RHOBTB3: variants seen among roughly 807,000 people sequenced by gnomAD.
RHOBTB3 encodes Rho related BTB domain containing 3.
A neutral mutation model predicts 67.2 loss-of-function variants in RHOBTB3; 47 were observed. That is an observed-to-expected ratio of 0.70 (90% CI 0.55 to 0.89). RHOBTB3 has a LOEUF of 0.89. RHOBTB3 is among the 40% of genes least tolerant of loss of function. The probability of loss-of-function intolerance (pLI) is 0.00; values close to 1 mark genes in which losing one functional copy is unlikely to be tolerated. For missense variants in RHOBTB3, 631 were observed against 750.0 expected (o/e 0.84, Z 1.85); for synonymous variants, 273 against 274.2 (o/e 1.00, Z 0.04).
At chr5:95,779,454 C>T (rs565041800) in intron 8 of RHOBTB3, among the ~76,000 whole-genome samples, 36 of 152,320 alleles carry the variant, frequency 2.4e-4, no homozygotes, top group Admixed American at 1.0e-3. Flanking sequence ...AAGTAGAGAG[C>T]CCTGGCCACT....
intron 2 of RHOBTB3, among the ~76,000 whole-genome samples, chr5:95,736,607 A>C (rs1264466251): frequency 6.6e-6 from 1 of 152,194 alleles, no homozygotes; most frequent in Non-Finnish European, 1.5e-5. Flanking sequence ...TTTTAAAACA[A>C]AGGGCTTATT....
intron 8 of RHOBTB3, among the ~76,000 whole-genome samples, chr5:95,777,994 C>T (rs531352190): frequency 3.9e-5 from 6 of 152,056 alleles, no homozygotes; most frequent in Non-Finnish European, 7.4e-5. Flanking sequence ...GTAGCGCATG[C>T]CTCTAATCTC....
chr5:95,792,890 T>C (rs1421855700), intron 11 of RHOBTB3, 169 bp from the exon 12 acceptor site: 2 of 543,836 alleles, frequency 3.7e-6, no homozygotes, highest in South Asian at 2.6e-5. Flanking sequence ...TAAATCCTGA[T>C]ACTAATTTAA....
Position 95,748,485 on chromosome 5 carries a change from G to C in RHOBTB3, c.568G>C (p.Val190Leu). ...DFYIGKYFGG[V>L]LEYFMIQALN... ...CTACATAGGAAAGTATTTTGGAGGAGTGGTAAGTGGAAATTCCTGTTAAGT... is the reference window on the plus strand; with the variant it reads ...CTACATAGGAAAGTATTTTGGAGGACTGGTAAGTGGAAATTCCTGTTAAGT... The change falls in exon 4 of 12, where the codon GTG (valine) becomes CTG (leucine). Residue 190 changes from valine to leucine, a missense_variant and splice_region_variant. Val to Leu is a conservative substitution (Grantham distance 32). Coordinates refer to ENST00000379982, the MANE Select transcript of RHOBTB3 (RefSeq NM_014899.4). 1 of 1,606,074 alleles carries C rather than the reference G, an allele frequency of 6.2e-7. No individual in the cohort carries two copies. Among genetic ancestry groups the C allele is most frequent in the East Asian group, 2.2e-5 (1 of 44,606 alleles).
At chr5:95,768,286 T>A in intron 8 of RHOBTB3, 120 bp downstream of exon 8, 1 of 864,914 alleles carries the variant, frequency 1.2e-6, no homozygotes, top group Non-Finnish European at 1.8e-6. Flanking sequence ...CTGAGGTATG[T>A]AGATTAATAC....
chr5:95,728,762 C>A (rs1011466478), upstream of RHOBTB3, among the ~76,000 whole-genome samples: 7 of 152,116 alleles, frequency 4.6e-5, no homozygotes, highest in African/African-American at 1.7e-4. Context: ...GCATTCTTAG[C>A]CACAGGATGA....
chr5:95,748,400 G>C lies in RHOBTB3; in HGVS notation c.483G>C (p.Gly161=), dbSNP rs1443861396. 6 of 1,613,366 alleles carry C rather than the reference G, an allele frequency of 3.7e-6. No individual in the cohort carries two copies. The Admixed American group carries it at 1.0e-4, about 27-fold the overall frequency. Residue 161 remains glycine (G), a synonymous_variant, in exon 4 of 12, where the codon GGG becomes GGC. Transcript: ENST00000379982. The stretch of plus-strand genomic sequence containing the variant: ...GGAGCTGTGTTAGTACAACTGAAGG[G>C]ATCCAACTTGCAAAAGAACTAGGAG... The part of the protein sequence containing the change: ...DRGSCVSTTE[G]IQLAKELGAT...
intron 6 of RHOBTB3, 115 bp from the exon 7 acceptor site, chr5:95,763,393 C>G: frequency 1.5e-6 from 1 of 647,106 alleles, no homozygotes; most frequent in Non-Finnish European, 2.8e-6. Flanking sequence ...GGATGTATAT[C>G]TGGTAAAGAA....
chr5:95,739,183 C>T (rs1226840426), intron 3 of RHOBTB3, among the ~76,000 whole-genome samples: 3 of 152,236 alleles, frequency 2.0e-5, no homozygotes, highest in African/African-American at 4.8e-5. Flanking sequence ...TGATGCCAGT[C>T]CTATCCATTC....
intron 5 of RHOBTB3, among the ~76,000 whole-genome samples, chr5:95,752,870 A>C (rs370397511): frequency 2.9e-4 from 44 of 152,262 alleles, no homozygotes; most frequent in Middle Eastern, 6.8e-3. Context: ...GGTGGCTCAC[A>C]CCTGTAATCC....
chr5:95,727,569 C>T (rs1358260505), upstream of RHOBTB3, among the ~76,000 whole-genome samples: 5 of 152,156 alleles, frequency 3.3e-5, no homozygotes, highest in Non-Finnish European at 7.4e-5. Context: ...GGGTTGGAAG[C>T]CCTTCCTGTG....
At chr5:95,780,753 G>T (rs997490790) in intron 9 of RHOBTB3, among the ~76,000 whole-genome samples, 1 of 152,270 alleles carries the variant, frequency 6.6e-6, no homozygotes, top group Non-Finnish European at 1.5e-5. Context: ...TCTAGAGATC[G>T]GGGCAGATTG....
At chr5:95,793,023 C>T (rs777118443) in intron 11 of RHOBTB3, 36 bp from the exon 12 acceptor site, 1 of 1,390,178 alleles carries the variant, frequency 7.2e-7, no homozygotes, top group Non-Finnish European at 1.0e-6. Context: ...CATAATAAAA[C>T]ATATTCGGTT....
rs544173150 is a variant in RHOBTB3 at position 95,720,199 on chromosome 5, C to A, written n.133+2434C>A. On this transcript the variant is annotated intron_variant and non_coding_transcript_variant, in intron 1 of 5. Transcript: ENST00000504949. ...AAATAAAGTTTCTGGACTTGCAAAA[C>A]TGAAGAATGAGCCTTGGATAATGTG... Among the ~76,000 whole-genome samples the A allele has an allele frequency of 2.1e-4, 32 of 152,326 alleles. No homozygotes were observed. In the South Asian group the frequency reaches 6.4e-3, roughly 31 times the overall value.
intron 3 of RHOBTB3, among the ~76,000 whole-genome samples, chr5:95,740,182 C>T (rs1226185943): frequency 6.6e-6 from 1 of 152,234 alleles, no homozygotes; most frequent in Non-Finnish European, 1.5e-5. Context: ...CCATCATGAT[C>T]ATGAGGCCTC....
intron 1 of RHOBTB3, chr5:95,719,677 T>C (rs1223428880): frequency 2.0e-5 from 3 of 152,258 alleles, no homozygotes; most frequent in Non-Finnish European, 2.9e-5. Context: ...CTTTGAACCA[T>C]ATTCAGAGAC....
chr5:95,770,444 T>G (rs925271295), intron 8 of RHOBTB3: 1 of 271,224 alleles, frequency 3.7e-6, no homozygotes, highest in African/African-American at 2.3e-5. Context: ...TGACCACTGC[T>G]AAGAATGCAG....
Position 95,736,794 on chromosome 5 carries a change from A to AT in RHOBTB3, c.229-89dup, listed in dbSNP as rs574475384. 3.1e-4 allele frequency: 255 copies of AT among 815,876 alleles called. 3 individuals carry two copies. The African/African-American group carries it at 4.2e-3, about 13-fold the overall frequency. 50.5% of individuals were successfully genotyped at this position (815,876 alleles called of 1,614,324 possible). On this transcript the variant is annotated intron_variant, in intron 2 of 11. Transcript: ENST00000379982. ...TCAAGTAGTTACTTATTTTAAAATA[A>AT]TTTTTTATGAATTCCAAAAATTAAT...
Position 95,783,801 on chromosome 5 carries a change from C to T in RHOBTB3, c.1461C>T (p.Gly487=). 1.2e-6 allele frequency: 2 copies of T among 1,607,544 alleles called. No homozygotes were observed. The highest frequency in any genetic ancestry group is 3.3e-5 in the Admixed American group (2 of 59,792). ...TCATGTCCCTTTTCTCATCAGCTGG[C>T]ATATTCCAGGCCATGTGTCTCCTGA... ...YLYTDSCCPA[G]IFQAMCLLIC... is the part of the protein sequence containing the mutation. The change falls in exon 10 of 12, where the codon GGC becomes GGT. Residue 487 remains glycine, a synonymous_variant. Transcript: ENST00000379982.
Sources: gnomAD v4.1 joint callset for allele counts (sites outside exome capture counted in the v4.1 genomes callset) on GRCh38, gnomAD v4.1.1 for gene constraint, MANE v1.5 for transcripts, NCBI Gene and HGNC (gene_info 2026-07-23, HGNC 2026-07-21) for gene names.